The following P2RX4 variants were observed in gnomAD, a reference collection of about 807,000 sequenced individuals.
The protein encoded by P2RX4 is P2X purinoceptor 4.
Under a neutral mutation model 48.0 loss-of-function variants are expected in P2RX4, and 37 were observed. The observed-to-expected ratio is 0.77, with a 90% confidence interval of 0.59 to 1.01. The LOEUF is 1.01. Among genes scored for constraint, P2RX4 ranks in the 50% least tolerant of loss-of-function variants. The pLI is 0.00. For synonymous variants in P2RX4, 200 were observed against 199.7 expected (o/e 1.00, Z -0.01); for missense variants, 501 against 521.4 (o/e 0.96, Z 0.38).
In P2RX4 at chr12:121,223,740, C is replaced by A. The variant is rs535462252; in HGVS notation, c.524+697C>A. On this transcript the variant is annotated intron_variant, in intron 5 of 11. Coordinates refer to ENST00000337233, the MANE Select transcript of P2RX4 (RefSeq NM_002560.3). The stretch of plus-strand genomic sequence containing the variant: ...GGGGGCAGTGTATTGTCCGGCTGAC[C>A]AAAAAGATCCAGCGTGGCCAGGAGA... 5.6e-4 allele frequency among the ~76,000 whole-genome samples: 85 copies of A among 152,294 alleles called. 1 individual carries two copies. The South Asian group carries it at 0.017, about 31-fold the overall frequency.
chr12:121,213,006 T>C (rs1885991109), intron 1 of P2RX4: 1 of 150,918 alleles, frequency 6.6e-6, no homozygotes. Context: ...CTGCGGAAAA[T>C]ATCCATAGTG....
chr12:121,219,598 TGG>T lies in P2RX4; in HGVS notation c.283-2314_283-2313del, dbSNP rs1404626369. Among the ~76,000 whole-genome samples the T allele has an allele frequency of 5.4e-3, 591 of 108,758 alleles. 5 individuals are homozygous for T. The highest frequency in any genetic ancestry group is 0.019 in the African/African-American group (568 of 30,302). The allele number at this position is 108,758 out of a possible 152,430, so 71.3% of individuals were successfully genotyped here. A position where few individuals can be genotyped will look rare whatever the true frequency, so the allele number is the denominator to read the frequency against. On this transcript the variant is annotated intron_variant, in intron 2 of 11. Transcript: ENST00000337233. ...GGTGGTGGATGGATGGATGGATGGA[TGG>T]ATGGATGGATGGATGGATAGATAGA...
chr12:121,216,193 T>C (rs1237772218), intron 1 of P2RX4: 1 of 152,280 alleles, frequency 6.6e-6, no homozygotes, highest in Non-Finnish European at 1.5e-5. Context: ...CTGGGCCGCA[T>C]GCGGCCTGTG....
At chr12:121,223,387 C>T in intron 5 of P2RX4, 1 of 336,602 alleles carries the variant, frequency 3.0e-6, no homozygotes, top group Non-Finnish European at 5.7e-6. Context: ...GAAGCCACCA[C>T]ACCCAGCCGG....
At chr12:121,222,422 T>C in intron 4 of P2RX4, 1 of 532,206 alleles carries the variant, frequency 1.9e-6, no homozygotes, top group Non-Finnish European at 3.3e-6. Flanking sequence ...TTTGTTTTTT[T>C]GTTTTTTTGA....
intron 2 of P2RX4, among the ~76,000 whole-genome samples, chr12:121,219,638 T>C (rs956572054): frequency 6.3e-5 from 9 of 143,828 alleles, no homozygotes; most frequent in African/African-American, 2.4e-4. Context: ...GATAGATAGA[T>C]AGATAGATAG....
In P2RX4 at chr12:121,232,462, C is replaced by T. The variant is rs201772658; in HGVS notation, c.933C>T (p.Leu311=). The part of the protein sequence containing the change: ...RDLAGNEQRT[L]IKAYGIRFDI... Reference sequence around the variant, plus strand: ...TGGCTGGCAACGAGCAGCGCACGCTCATCAAGGCCTATGGCATCCGCTTCG... The same window carrying T: ...TGGCTGGCAACGAGCAGCGCACGCTTATCAAGGCCTATGGCATCCGCTTCG... The change falls in exon 9 of 12, where the codon CTC becomes CTT. Residue 311 remains leucine (L), a synonymous_variant. Transcript: ENST00000337233. This position sits in a 1 kb window ranked among gnomAD's most constrained non-coding sequence, Gnocchi z 4.3. 28 of 1,614,062 alleles carry T rather than the reference C, an allele frequency of 1.7e-5. No individual in the cohort carries two copies. Among genetic ancestry groups the T allele is most frequent in the Non-Finnish European group, 2.1e-5 (25 of 1,180,008 alleles).
At chr12:121,222,047 G>T in intron 3 of P2RX4, 47 bp from the exon 4 acceptor site, 9 of 1,600,398 alleles carry the variant, frequency 5.6e-6, no homozygotes, top group Non-Finnish European at 7.7e-6. Context: ...CCACCTGTGT[G>T]TGGGGCCGGG....
chr12:121,221,689 G>A (rs909880554), intron 2 of P2RX4, among the ~76,000 whole-genome samples: 1 of 152,170 alleles, frequency 6.6e-6, no homozygotes, highest in Non-Finnish European at 1.5e-5. Flanking sequence ...CACCGCGCCC[G>A]ACCTGTTTCC....
intron 2 of P2RX4, among the ~76,000 whole-genome samples, chr12:121,221,535 A>C (rs952786522): frequency 1.3e-5 from 2 of 151,796 alleles, no homozygotes; most frequent in African/African-American, 4.8e-5. Flanking sequence ...CTGGGACTAC[A>C]GGTGCCCGCC....
Position 121,233,907 on chromosome 12 carries a change from T to G in P2RX4, c.*358T>G. On this transcript the variant is annotated 3_prime_UTR_variant, in exon 12 of 12. Coordinates refer to ENST00000337233, the MANE Select transcript of P2RX4 (RefSeq NM_002560.3). ...TCTCTCCAGGACAGGCCCAGTCCTC[T>G]GAGGCACGGCGGCTCTGTTCAAGCA... is the stretch of plus-strand genomic sequence containing the variant. The G allele has an allele frequency of 3.1e-6, 1 of 321,258 alleles. No individual in the cohort carries two copies. Among genetic ancestry groups the G allele is most frequent in the Non-Finnish European group, 6.0e-6 (1 of 166,872 alleles). 19.9% of individuals were successfully genotyped at this position (321,258 alleles called of 1,614,324 possible). A position where few individuals can be genotyped will look rare whatever the true frequency, so the allele number is the denominator to read the frequency against.
intron 1 of P2RX4, 23 bp from the exon 2 acceptor site, chr12:121,217,111 A>T (rs1265983102): frequency 6.2e-7 from 1 of 1,611,136 alleles, no homozygotes; most frequent in Non-Finnish European, 8.5e-7. Flanking sequence ...ATGGCAATTT[A>T]AGAGGCCTGT....
rs376105982 is a variant in P2RX4 at position 121,228,885 on chromosome 12, T to A, written c.747+19T>A. 2.5e-6 allele frequency: 4 copies of A among 1,614,036 alleles called. No individual in the cohort carries two copies. The highest frequency in any genetic ancestry group is 2.5e-6 in the Non-Finnish European group (3 of 1,180,014). On this transcript the variant is annotated intron_variant, in intron 7 of 11. Transcript: ENST00000337233. ...CGTGGAGGTGGGTGCGGGCCCTGGC[T>A]CTCCTGACCCAGCCCTGGAGGCGTC...
At chr12:121,215,389 A>G (rs1057292053) in intron 1 of P2RX4, 1 of 152,176 alleles carries the variant, frequency 6.6e-6, no homozygotes, top group South Asian at 2.1e-4. Flanking sequence ...GCCATGAACC[A>G]AGACCTCTGC....
intron 5 of P2RX4, among the ~76,000 whole-genome samples, chr12:121,226,976 G>A (rs146166708): frequency 1.1e-4 from 16 of 152,158 alleles, no homozygotes; most frequent in African/African-American, 3.6e-4. Context: ...TTAGCCAGGC[G>A]TGGTGGTGCA....
At position 121,228,854 on chromosome 12, in the gene P2RX4, C is replaced by T. The variant is rs1388054379; in HGVS notation, c.735C>T (p.Asp245=). 5.0e-6 allele frequency: 8 copies of T among 1,614,072 alleles called. No homozygotes were observed. The African/African-American group carries it at 5.3e-5, about 11-fold the overall frequency. Residue 245 remains aspartate, a synonymous_variant, in exon 7 of 12, where the codon GAC becomes GAT. Transcript: ENST00000337233. ...IVENAGHSFQ[D]MAVEGGIMGI... ...AGAACGCAGGACACAGTTTCCAGGACATGGCCGTGGAGGTGGGTGCGGGCC... is the reference window on the plus strand; with the variant it reads ...AGAACGCAGGACACAGTTTCCAGGATATGGCCGTGGAGGTGGGTGCGGGCC...
Position 121,228,440 on chromosome 12 carries a change from CAT to C in P2RX4, c.525-84_525-83del, listed in dbSNP as rs1430056528. ...CACACACAGACACACACACACAATA[CAT>C]ATATATATGTGTGTATATATATATA... On this transcript the variant is annotated intron_variant, in intron 5 of 11. Transcript: ENST00000337233. 426 of 559,756 alleles carry C rather than the reference CAT, an allele frequency of 7.6e-4. 2 individuals are homozygous for C. Among genetic ancestry groups the C allele is most frequent in the African/African-American group, 6.1e-3 (301 of 49,610 alleles). The allele number at this position is 559,756 out of a possible 1,614,324, so 34.7% of individuals were successfully genotyped here.
chr12:121,213,712 G>T (rs891393967), intron 1 of P2RX4: 4 of 151,940 alleles, frequency 2.6e-5, no homozygotes, highest in Non-Finnish European at 5.9e-5. Flanking sequence ...GTTTTTGTTT[G>T]TTTGTTTGTA....
At chr12:121,228,908 G>A (rs369179243) in intron 7 of P2RX4, 42 bp downstream of exon 7, 43 of 1,613,942 alleles carry the variant, frequency 2.7e-5, no homozygotes, top group Middle Eastern at 1.6e-4. Flanking sequence ...CCCTGGAGGC[G>A]TCTCGTGCCA....
Sources: allele counts gnomAD v4.1 joint callset (sites outside exome capture counted in the v4.1 genomes callset), GRCh38; gene constraint gnomAD v4.1.1; non-coding constraint Gnocchi (gnomAD v3.1); transcripts MANE v1.5; gene names NCBI Gene and HGNC (gene_info 2026-07-23, HGNC 2026-07-21).